The following ADGRV1 variants were observed in gnomAD, a reference collection of about 807,000 sequenced individuals.
ADGRV1 encodes the protein G-protein coupled receptor 98.
In ADGRV1, 359 loss-of-function variants were observed where a neutral mutation model predicts 596.2. The ratio of observed to expected loss-of-function variants is 0.60; its 90% CI spans 0.55 to 0.66. The LOEUF (loss-of-function observed/expected upper bound fraction) is 0.66. Among genes scored for constraint, ADGRV1 ranks in the 30% least tolerant of loss-of-function variants. The probability of loss-of-function intolerance (pLI) is 0.00; values close to 1 mark genes in which losing one functional copy is unlikely to be tolerated. For missense variants in ADGRV1, 7,274 were observed against 7,575.6 expected (o/e 0.96, Z 1.48); for synonymous variants, 2,681 against 2,679.2 (o/e 1.00, Z -0.02).
chr5:90,840,674 C>G lies in ADGRV1; in HGVS notation c.16708C>G (p.Pro5570Ala). The change falls in exon 78 of 90, where the codon CCT becomes GCT. Residue 5570 changes from proline (P) to alanine (A), a missense_variant. Coordinates refer to ENST00000405460, the MANE Select transcript of ADGRV1 (RefSeq NM_032119.4). Reference sequence around the variant, plus strand: ...AACTGAAGGCACATTGGTCTTTGAACCTGGCCAGAGAAGCACTGTATTGGA... The same window carrying G: ...AACTGAAGGCACATTGGTCTTTGAAGCTGGCCAGAGAAGCACTGTATTGGA... ...VITEGTLVFE[P>A]GQRSTVLDVI... 6.2e-7 allele frequency: 1 copy of G among 1,613,960 alleles called. No individual in the cohort carries two copies. Among genetic ancestry groups the G allele is most frequent in the Non-Finnish European group, 8.5e-7 (1 of 1,179,864 alleles).
intron 21 of ADGRV1, among the ~76,000 whole-genome samples, chr5:90,669,646 A>G (rs919120402): frequency 2.6e-5 from 4 of 152,224 alleles, no homozygotes; most frequent in African/African-American, 9.6e-5. Flanking sequence ...AGCATTATCT[A>G]AAATTGGAGG....
chr5:90,805,324 C>T lies in ADGRV1; in HGVS notation c.14702C>T (p.Thr4901Ile). ...ACTGCTTTTCAACTCATGAACATCA[C>T]TGCTGGCACAAGCCACGTTATGATT... The part of the protein sequence containing the change: ...ESTAFQLMNI[T>I]AGTSHVMISR... The change falls in exon 72 of 90, where the codon ACT becomes ATT. Residue 4901 changes from threonine to isoleucine, a missense_variant. Around this residue, in one of 5 missense-constraint regions of ADGRV1, gnomAD observed 1,874 missense variants for 1,970.2 expected, o/e 0.95. Coordinates refer to ENST00000405460, the MANE Select transcript of ADGRV1 (RefSeq NM_032119.4). 6.2e-7 allele frequency: 1 copy of T among 1,613,134 alleles called. No individual in the cohort carries two copies. Among genetic ancestry groups the T allele is most frequent in the Non-Finnish European group, 8.5e-7 (1 of 1,179,218 alleles).
At chr5:90,566,077 T>C (rs1308938693) in intron 1 of ADGRV1, among the ~76,000 whole-genome samples, 5 of 152,174 alleles carry the variant, frequency 3.3e-5, no homozygotes, top group African/African-American at 9.6e-5. Flanking sequence ...TAATCCCTTA[T>C]CAGATATATC....
Position 90,704,435 on chromosome 5 carries a change from T to A in ADGRV1, c.8333T>A (p.Ile2778Asn). The A allele has an allele frequency of 6.3e-7, 1 of 1,583,500 alleles. No individual in the cohort carries two copies. Among genetic ancestry groups the A allele is most frequent in the Non-Finnish European group, 8.6e-7 (1 of 1,163,150 alleles). ...TTTGTGCATTTGTTGGATGACAACA[T>A]TCCTGAGGAGAAAGAAGTATACCAA... ...TLFVHLLDDN[I>N]PEEKEVYQVI... Residue 2778 changes from isoleucine (I) to asparagine (N), a missense_variant, in exon 36 of 90, where the codon ATT (isoleucine) becomes AAT (asparagine). Around this residue, in one of 5 missense-constraint regions of ADGRV1, gnomAD observed 3,643 missense variants for 3,809.2 expected, o/e 0.96. Transcript: ENST00000405460.
intron 52 of ADGRV1, 26 bp downstream of exon 52, chr5:90,745,821 T>TG: frequency 8.0e-7 from 1 of 1,256,450 alleles, no homozygotes; most frequent in Non-Finnish European, 1.2e-6. Flanking sequence ...ACCCCACACT[T>TG]GCAATGCAAA....
chr5:90,646,831 C>T (rs752615485), intron 16 of ADGRV1, among the ~76,000 whole-genome samples: 10 of 147,442 alleles, frequency 6.8e-5, no homozygotes, highest in East Asian at 5.9e-4. Flanking sequence ...TGGAGTGCAG[C>T]GGCGTGATCT....
chr5:90,647,897 A>C, intron 17 of ADGRV1, 133 bp downstream of exon 17: 1 of 740,790 alleles, frequency 1.3e-6, no homozygotes, highest in Non-Finnish European at 2.1e-6. Flanking sequence ...AAATTATTTC[A>C]TTGCTTTCTT....
intron 83 of ADGRV1, among the ~76,000 whole-genome samples, chr5:90,875,613 T>C (rs566208930): frequency 1.3e-5 from 2 of 152,300 alleles, no homozygotes; most frequent in Admixed American, 1.3e-4. Flanking sequence ...GGGAGACTTC[T>C]GGAAACTAGC....
chr5:90,912,159 C>A (rs540812972), intron 83 of ADGRV1, among the ~76,000 whole-genome samples: 1 of 151,992 alleles, frequency 6.6e-6, no homozygotes, highest in East Asian at 1.9e-4. Context: ...GAAAAGAGAA[C>A]CTTGTTAGCA....
chr5:90,595,704 C>G (rs1404926938), intron 1 of ADGRV1, among the ~76,000 whole-genome samples: 1 of 133,618 alleles, frequency 7.5e-6, no homozygotes, highest in African/African-American at 3.0e-5. Flanking sequence ...GCTGGCCAGG[C>G]AGAGGGGCTC....
intron 85 of ADGRV1, among the ~76,000 whole-genome samples, chr5:91,022,799 G>C (rs1484043619): frequency 6.6e-6 from 1 of 152,136 alleles, no homozygotes; most frequent in Non-Finnish European, 1.5e-5. Flanking sequence ...AATTTGGGGA[G>C]ATGAATATGT....
At chr5:90,648,940 T>C (rs1419247773) in intron 17 of ADGRV1, among the ~76,000 whole-genome samples, 1 of 152,182 alleles carries the variant, frequency 6.6e-6, no homozygotes, top group Non-Finnish European at 1.5e-5. Flanking sequence ...AAAATAATTT[T>C]AGTGAAGTAA....
At chr5:91,045,265 TG>T (rs894236443) in intron 85 of ADGRV1, among the ~76,000 whole-genome samples, 3 of 152,164 alleles carry the variant, frequency 2.0e-5, no homozygotes, top group Non-Finnish European at 4.4e-5. Flanking sequence ...ATATCCCTGA[TG>T]AACATACATG....
chr5:90,756,106 T>A (rs1755803898), intron 55 of ADGRV1, among the ~76,000 whole-genome samples: 1 of 152,044 alleles, frequency 6.6e-6, no homozygotes, highest in Non-Finnish European at 1.5e-5. Context: ...TAAAAATGTA[T>A]GTAGCATTTA....
chr5:90,926,565 T>G (rs1447475186), intron 83 of ADGRV1, among the ~76,000 whole-genome samples: 1 of 151,978 alleles, frequency 6.6e-6, no homozygotes, highest in Non-Finnish European at 1.5e-5. Flanking sequence ...TCAATTTTGT[T>G]GATCCTTTCA....
At position 90,745,885 on chromosome 5, in the gene ADGRV1, T is replaced by C; in HGVS notation, c.10974+90T>C. The C allele has an allele frequency of 1.3e-5, 10 of 743,168 alleles. No individual in the cohort carries two copies. In the South Asian group the frequency reaches 1.6e-4, roughly 12 times the overall value. The allele number at this position is 743,168 out of a possible 1,614,324, so 46.0% of individuals were successfully genotyped here. Reference sequence around the variant, plus strand: ...GCTATTATTAGCACTCAGCAAGTCATAGTTTGAGTGTCATCAGCCTCTCTC... The same window carrying C: ...GCTATTATTAGCACTCAGCAAGTCACAGTTTGAGTGTCATCAGCCTCTCTC... On this transcript the variant is annotated intron_variant, in intron 52 of 89. Transcript: ENST00000405460.
At chr5:90,914,360 T>C (rs911589392) in intron 83 of ADGRV1, among the ~76,000 whole-genome samples, 1 of 152,192 alleles carries the variant, frequency 6.6e-6, no homozygotes, top group Non-Finnish European at 1.5e-5. Context: ...AAATCTTTCA[T>C]AGAGACTCGT....
At chr5:91,132,699 C>G (rs577025144) in intron 87 of ADGRV1, among the ~76,000 whole-genome samples, 1 of 152,264 alleles carries the variant, frequency 6.6e-6, no homozygotes, top group African/African-American at 2.4e-5. Flanking sequence ...GCACCAGGCC[C>G]AGGAGGGACT....
chr5:90,623,357 A>G (rs912223752), intron 5 of ADGRV1, among the ~76,000 whole-genome samples: 7 of 152,258 alleles, frequency 4.6e-5, no homozygotes, highest in South Asian at 4.1e-4. Context: ...TAAAATACCC[A>G]TGGATTACTT....
Sources: allele counts gnomAD v4.1 joint callset (sites outside exome capture counted in the v4.1 genomes callset), GRCh38; gene constraint gnomAD v4.1.1; regional missense constraint gnomAD v4.1.1; transcripts MANE v1.5; gene names NCBI Gene and HGNC (gene_info 2026-07-23, HGNC 2026-07-21).